TRIM72: variants seen among roughly 807,000 people sequenced by gnomAD.
TRIM72 encodes tripartite motif-containing protein 72.
TRIM72 carries 33 observed loss-of-function variants against 31.6 expected under a neutral mutation model. That is an observed-to-expected ratio of 1.04 (90% CI 0.79 to 1.40). The LOEUF (loss-of-function observed/expected upper bound fraction) is 1.40. Among genes scored for constraint, TRIM72 ranks in the 40% most tolerant of loss-of-function variants. TRIM72 has a pLI of 0.00. For missense variants in TRIM72, 666 were observed against 682.7 expected (o/e 0.98, Z 0.27); for synonymous variants, 301 against 314.4 (o/e 0.96, Z 0.45).
intron 1 of TRIM72, 108 bp from the exon 2 acceptor site, chr16:31,214,624 G>A (rs368041836): frequency 8.1e-7 from 1 of 1,236,290 alleles, no homozygotes; most frequent in African/African-American, 1.6e-5. Context: ...TACAGGCTGG[G>A]GCTTCTCCCT....
At chr16:31,223,750 TAAAA>T (rs966736994) in intron 6 of TRIM72, among the ~76,000 whole-genome samples, 1 of 151,486 alleles carries the variant, frequency 6.6e-6, no homozygotes, top group African/African-American at 2.4e-5. Context: ...TACAAAAACT[TAAAA>T]AAATTAGCCA....
intron 5 of TRIM72, among the ~76,000 whole-genome samples, chr16:31,222,390 C>T (rs899850224): frequency 1.7e-3 from 229 of 133,400 alleles, no homozygotes; most frequent in Middle Eastern, 7.5e-3. Flanking sequence ...CAGACTCAAT[C>T]TCAAAAAAAA....
intron 5 of TRIM72, 45 bp from the exon 6 acceptor site, chr16:31,222,782 T>TGCGG: frequency 1.8e-6 from 1 of 547,560 alleles, no homozygotes; most frequent in Non-Finnish European, 3.1e-6. Context: ...CCAGCCCTTG[T>TGCGG]CCTCCCCCCT....
chr16:31,219,007 G>A lies in TRIM72; in HGVS notation c.391-88G>A. 7.9e-7 allele frequency: 1 copy of A among 1,265,248 alleles called. No homozygotes were observed. Among genetic ancestry groups the A allele is most frequent in the Non-Finnish European group, 1.1e-6 (1 of 905,476 alleles). The allele number at this position is 1,265,248 out of a possible 1,614,324, so 78.4% of individuals were successfully genotyped here. A position where few individuals can be genotyped will look rare whatever the true frequency, so the allele number is the denominator to read the frequency against. ...GGCTGGAGGAGGAGCTGGCATTGAG[G>A]TTGAGCCACAGAGGGCAGGTTTAGG... On this transcript the variant is annotated intron_variant, in intron 2 of 6. Transcript: ENST00000322122. This position sits in a 1 kb window ranked among gnomAD's most constrained non-coding sequence, Gnocchi z 4.2.
At chr16:31,222,190 C>T (rs1378119887) in intron 5 of TRIM72, among the ~76,000 whole-genome samples, 2 of 152,056 alleles carry the variant, frequency 1.3e-5, no homozygotes, top group East Asian at 1.9e-4. Flanking sequence ...GTCAGCAGTT[C>T]GAGACTAGCC....
At chr16:31,221,605 TTGGGAGAAGGGC>T in intron 5 of TRIM72, among the ~76,000 whole-genome samples, 1 of 102,078 alleles carries the variant, frequency 9.8e-6, no homozygotes, top group South Asian at 3.5e-4. Flanking sequence ...GAGAAGGGCA[TTGGGAGAAGGGC>T]ATTGCTGGGA....
rs191694975 is a variant in TRIM72, at chr16:31,224,865, C to G, written c.*110C>G. 1.8e-3 allele frequency: 2,001 copies of G among 1,119,642 alleles called. 1 individual carries two copies. Among genetic ancestry groups the G allele is most frequent in the Middle Eastern group, 3.7e-3 (12 of 3,260 alleles). 69.4% of individuals were successfully genotyped at this position (1,119,642 alleles called of 1,614,324 possible). A position where few individuals can be genotyped will look rare whatever the true frequency, so the allele number is the denominator to read the frequency against. On this transcript the variant is annotated 3_prime_UTR_variant, in exon 7 of 7. Transcript: ENST00000322122. ...GAGCGGGTTGCCAGGGCCCAGGGGG[C>G]TGGGAACTGGGGGATCTCCCAGAAT...
chr16:31,224,859 A>AG lies in TRIM72; in HGVS notation c.*109dup, dbSNP rs2079549965. 8.3e-7 allele frequency: 1 copy of AG among 1,209,188 alleles called. No individual in the cohort carries two copies. Among genetic ancestry groups the AG allele is most frequent in the Non-Finnish European group, 1.1e-6 (1 of 910,788 alleles). 74.9% of individuals were successfully genotyped at this position (1,209,188 alleles called of 1,614,324 possible). A position where few individuals can be genotyped will look rare whatever the true frequency, so the allele number is the denominator to read the frequency against. On this transcript the variant is annotated 3_prime_UTR_variant, in exon 7 of 7. Coordinates refer to ENST00000322122, the MANE Select transcript of TRIM72 (RefSeq NM_001008274.4). ...GGTGGGGAGCGGGTTGCCAGGGCCC[A>AG]GGGGGCTGGGAACTGGGGGATCTCC...
In TRIM72 at chr16:31,216,663, G is replaced by T; in HGVS notation, c.390+1535G>T. ...GGACCCCAGGAGGGACCCTGAAGGA[G>T]GGGAACAGGAAGGCTCTGGGCGGGA... On this transcript the variant is annotated intron_variant, in intron 2 of 6. Coordinates refer to ENST00000322122, the MANE Select transcript of TRIM72 (RefSeq NM_001008274.4). The surrounding 1 kb of genome is among the most constrained non-coding windows in gnomAD (Gnocchi z 6.7). 1 of 1,428,818 alleles carries T rather than the reference G, an allele frequency of 7.0e-7. No homozygotes were observed. The allele number at this position is 1,428,818 out of a possible 1,614,324, so 88.5% of individuals were successfully genotyped here.
In TRIM72 at chr16:31,216,422, TAA is replaced by T; in HGVS notation, c.390+1303_390+1304del. 9 of 272,582 alleles carry T rather than the reference TAA, an allele frequency of 3.3e-5. No individual in the cohort carries two copies. Among genetic ancestry groups the T allele is most frequent in the South Asian group, 1.9e-4 (2 of 10,296 alleles). 16.9% of individuals were successfully genotyped at this position (272,582 alleles called of 1,614,324 possible). ...TCTTTGCAATAAATCTTGCTGCCGC[TAA>T]AAAAAAAACAAAAAACAAACAAACA... is the stretch of plus-strand genomic sequence containing the variant. On this transcript the variant is annotated intron_variant, in intron 2 of 6. Transcript: ENST00000322122. This position sits in a 1 kb window ranked among gnomAD's most constrained non-coding sequence, Gnocchi z 6.7.
intron 6 of TRIM72, 81 bp from the exon 7 acceptor site, chr16:31,224,100 G>T: frequency 6.7e-7 from 1 of 1,488,866 alleles, no homozygotes; most frequent in South Asian, 1.2e-5. Context: ...TTAGGGGAGA[G>T]AAAGCTGGCC....
chr16:31,223,343 C>G (rs1360943158), intron 6 of TRIM72, among the ~76,000 whole-genome samples: 1 of 152,158 alleles, frequency 6.6e-6, no homozygotes, highest in Non-Finnish European at 1.5e-5. Flanking sequence ...GAGAGTGACT[C>G]TGGCGGCCTG....
Position 31,216,913 on chromosome 16 carries a change from A to C in TRIM72, c.390+1785A>C. On this transcript the variant is annotated intron_variant, in intron 2 of 6. Coordinates refer to ENST00000322122, the MANE Select transcript of TRIM72 (RefSeq NM_001008274.4). This position sits in a 1 kb window ranked among gnomAD's most constrained non-coding sequence, Gnocchi z 6.7. The stretch of plus-strand genomic sequence containing the variant: ...TAGCTGCCCGAGCGCGCCCCGCGGG[A>C]TGCGCTCAAAGCCCTCGCGCAGCGG... 6.2e-7 allele frequency: 1 copy of C among 1,613,954 alleles called. No homozygotes were observed. Among genetic ancestry groups the C allele is most frequent in the Non-Finnish European group, 8.5e-7 (1 of 1,180,028 alleles).
In TRIM72 at chr16:31,223,194, C is replaced by A. The variant is rs189942125; in HGVS notation, c.859+249C>A. Among the ~76,000 whole-genome samples, 21 of 152,270 alleles carry A rather than the reference C, an allele frequency of 1.4e-4. No individual in the cohort carries two copies. In the East Asian group the frequency reaches 3.5e-3, roughly 25 times the overall value. ...CTGTTGGTGGCACGGGACGCTGGGGCCTAGGTCTGAGCCACTGACTTGCTG... is the reference window on the plus strand; with the variant it reads ...CTGTTGGTGGCACGGGACGCTGGGGACTAGGTCTGAGCCACTGACTTGCTG... On this transcript the variant is annotated intron_variant, in intron 6 of 6. Transcript: ENST00000322122.
chr16:31,222,119 G>A (rs1016953544), intron 5 of TRIM72, among the ~76,000 whole-genome samples: 1 of 152,186 alleles, frequency 6.6e-6, no homozygotes, highest in Non-Finnish European at 1.5e-5. Context: ...TGGGCCGGGT[G>A]CAGTGGCTCA....
At position 31,216,392 on chromosome 16, in the gene TRIM72, T is replaced by G; in HGVS notation, c.390+1264T>G. ...TTCCATGCTGTGGAAGCTTTGTTCTTTTGCTCTTTGCAATAAATCTTGCTG... is the reference window on the plus strand; with the variant it reads ...TTCCATGCTGTGGAAGCTTTGTTCTGTTGCTCTTTGCAATAAATCTTGCTG... On this transcript the variant is annotated intron_variant, in intron 2 of 6. Coordinates refer to ENST00000322122, the MANE Select transcript of TRIM72 (RefSeq NM_001008274.4). The surrounding 1 kb of genome is among the most constrained non-coding windows in gnomAD (Gnocchi z 6.7). The G allele has an allele frequency of 4.3e-6, 1 of 234,472 alleles. No individual in the cohort carries two copies. Among genetic ancestry groups the G allele is most frequent in the Non-Finnish European group, 8.3e-6 (1 of 120,374 alleles). The allele number at this position is 234,472 out of a possible 1,614,324, so 14.5% of individuals were successfully genotyped here. A position where few individuals can be genotyped will look rare whatever the true frequency, so the allele number is the denominator to read the frequency against.
Position 31,219,460 on chromosome 16 carries a change from C to A in TRIM72, c.658C>A (p.Arg220=). 6.2e-7 allele frequency: 1 copy of A among 1,611,996 alleles called. No individual in the cohort carries two copies. The highest frequency in any genetic ancestry group is 8.5e-7 in the Non-Finnish European group (1 of 1,179,386). Residue 220 remains arginine (R), a synonymous_variant, in exon 4 of 7, where the codon CGG becomes AGG. Transcript: ENST00000322122. The surrounding 1 kb of genome is among the most constrained non-coding windows in gnomAD (Gnocchi z 4.2). The part of the protein sequence containing the change: ...GSLNSYLEQL[R]QMEKVLEEVA... The stretch of plus-strand genomic sequence containing the variant: ...CCTGAACTCTTACCTGGAGCAGCTG[C>A]GGCAGATGGAGAAGGTCCTGGAGGA...
chr16:31,223,446 C>A (rs988746129), intron 6 of TRIM72, among the ~76,000 whole-genome samples: 2 of 152,134 alleles, frequency 1.3e-5, no homozygotes, highest in African/African-American at 4.8e-5. Flanking sequence ...CTGGGGCAGC[C>A]CTTCCTGCCT....
chr16:31,219,224 G>C lies in TRIM72; in HGVS notation c.486+34G>C. On this transcript the variant is annotated intron_variant, in intron 3 of 6. Transcript: ENST00000322122. This position sits in a 1 kb window ranked among gnomAD's most constrained non-coding sequence, Gnocchi z 4.2. ...TTCACAGGGCCATGTCTGAGGGCTG[G>C]GGGCCAGGCTAGGGGTCTCCAGCCA... 2 of 1,614,024 alleles carry C rather than the reference G, an allele frequency of 1.2e-6. No homozygotes were observed. The highest frequency in any genetic ancestry group is 8.5e-7 in the Non-Finnish European group (1 of 1,179,906).
Sources: gnomAD v4.1 joint callset for allele counts (sites outside exome capture counted in the v4.1 genomes callset) on GRCh38, gnomAD v4.1.1 for gene constraint, Gnocchi (gnomAD v3.1) non-coding constraint, MANE v1.5 for transcripts, NCBI Gene and HGNC (gene_info 2026-07-23, HGNC 2026-07-21) for gene names.